TRPM3: variants seen among roughly 807,000 people sequenced by gnomAD.
TRPM3 encodes the protein transient receptor potential cation channel subfamily M member 3.
A neutral mutation model predicts 181.2 loss-of-function variants in TRPM3; 77 were observed. That is an observed-to-expected ratio of 0.42 (90% confidence interval 0.35 to 0.51). The LOEUF is 0.51. Ranked by LOEUF, TRPM3 falls within the 20% of genes least tolerant of loss-of-function variation. The pLI is 0.01. For synonymous variants in TRPM3, 745 were observed against 796.4 expected, an observed-to-expected ratio of 0.94 and a Z score of 1.09; for missense variants, 1,759 against 2,196.7, an observed-to-expected ratio of 0.80 and a Z score of 3.98.
At chr9:70,928,392 G>A (rs574508502) in intron 1 of TRPM3, among the ~76,000 whole-genome samples, 1 of 152,304 alleles carries the variant, frequency 6.6e-6, no homozygotes, top group East Asian at 1.9e-4. Context: ...GGGACAGTCA[G>A]ATTTTATACA....
chr9:71,175,042 G>A (rs1458975054), intron 1 of TRPM3, among the ~76,000 whole-genome samples: 1 of 152,102 alleles, frequency 6.6e-6, no homozygotes, highest in Non-Finnish European at 1.5e-5. Flanking sequence ...ATGACGTGTA[G>A]GAAAAAACAA....
chr9:71,139,779 AC>A (rs1456712111), intron 1 of TRPM3, among the ~76,000 whole-genome samples: 1 of 152,178 alleles, frequency 6.6e-6, no homozygotes, highest in Non-Finnish European at 1.5e-5. Context: ...TTAGTTGGCT[AC>A]CTAACTGACA....
intron 1 of TRPM3, among the ~76,000 whole-genome samples, chr9:71,117,904 A>G (rs1293853957): frequency 6.6e-6 from 1 of 152,190 alleles, no homozygotes; most frequent in Non-Finnish European, 1.5e-5. Flanking sequence ...CAAGACTTCA[A>G]TACACAGAAA....
At chr9:71,003,877 A>G (rs964727256) in intron 1 of TRPM3, among the ~76,000 whole-genome samples, 1 of 152,132 alleles carries the variant, frequency 6.6e-6, no homozygotes, top group African/African-American at 2.4e-5. Context: ...ACAGAAGCTG[A>G]AGCCAGTTAG....
Position 71,310,376 on chromosome 9 carries a change from GTAACCTTA to G in TRPM3, c.183+136269_183+136276del, listed in dbSNP as rs1399672905. ...GGTGATTTAATTACAGTGTGTTATA[GTAACCTTA>G]AAAAATCTAGAGAAAGAAGTGGGTA... On this transcript the variant is annotated intron_variant, in intron 1 of 24. Transcript: ENST00000357533. 3.9e-5 allele frequency among the ~76,000 whole-genome samples: 6 copies of G among 152,170 alleles called. No homozygotes were observed. In the South Asian group the frequency reaches 1.2e-3, roughly 31 times the overall value.
At chr9:71,430,786 G>A (rs56931307) in intron 1 of TRPM3, among the ~76,000 whole-genome samples, 13,951 of 152,070 alleles carry the variant, frequency 0.092, 680 homozygotes, top group South Asian at 0.15. Context: ...ACTCCAACCT[G>A]GGTGAGAGAG....
chr9:70,625,895 C>A lies in TRPM3; in HGVS notation c.1633-378G>T, dbSNP rs2064506620. ...TCTATCCATAATTTTAAAAAATTGA[C>A]ACTTTTTTCATAAAAGAAGAGCAAT... On this transcript the variant is annotated intron_variant, in intron 12 of 25. Transcript: ENST00000677713. The surrounding 1 kb of genome is among the most constrained non-coding windows in gnomAD (Gnocchi z 4.8). 1.3e-5 allele frequency among the ~76,000 whole-genome samples: 2 copies of A among 152,132 alleles called. No homozygotes were observed. The highest frequency in any genetic ancestry group is 4.1e-4 in the South Asian group (2 of 4,836).
intron 22 of TRPM3, among the ~76,000 whole-genome samples, chr9:70,585,891 T>C (rs1238511330): frequency 2.0e-5 from 3 of 152,156 alleles, no homozygotes; most frequent in African/African-American, 7.2e-5. Flanking sequence ...TCCTCCAGGA[T>C]CTGTACCCCG....
At chr9:70,754,269 G>A (rs2076686400) in intron 8 of TRPM3, among the ~76,000 whole-genome samples, 1 of 152,116 alleles carries the variant, frequency 6.6e-6, no homozygotes, top group Non-Finnish European at 1.5e-5. Flanking sequence ...TATTCTTTAT[G>A]ACCAAACCCC....
chr9:71,028,129 A>T (rs1268378510), intron 1 of TRPM3, among the ~76,000 whole-genome samples: 4 of 152,330 alleles, frequency 2.6e-5, no homozygotes, highest in East Asian at 1.9e-4. Flanking sequence ...AGCAAAAACC[A>T]TACAAGCCAG....
intron 1 of TRPM3, among the ~76,000 whole-genome samples, chr9:71,294,806 G>A (rs1588343273): frequency 6.6e-6 from 1 of 152,122 alleles, no homozygotes; most frequent in African/African-American, 2.4e-5. Flanking sequence ...AAGTGAGCAC[G>A]ATTGATTCTG....
chr9:71,316,693 G>A (rs1166224124), intron 1 of TRPM3, among the ~76,000 whole-genome samples: 2 of 152,076 alleles, frequency 1.3e-5, no homozygotes, highest in Admixed American at 6.6e-5. Flanking sequence ...CCTGCAGAAG[G>A]GAACATAGCC....
intron 1 of TRPM3, among the ~76,000 whole-genome samples, chr9:71,247,269 G>A (rs1278291267): frequency 1.4e-5 from 2 of 147,454 alleles, no homozygotes; most frequent in African/African-American, 2.5e-5. Flanking sequence ...CAGGAGAATC[G>A]CTTGAACCTG....
chr9:71,441,780 G>T (rs761598348), intron 1 of TRPM3, among the ~76,000 whole-genome samples: 4 of 151,814 alleles, frequency 2.6e-5, no homozygotes, highest in Non-Finnish European at 5.9e-5. Context: ...CTACAGTCGC[G>T]CACTACCACC....
chr9:71,094,477 CT>C (rs2066769806), intron 1 of TRPM3, among the ~76,000 whole-genome samples: 1 of 152,068 alleles, frequency 6.6e-6, no homozygotes, highest in African/African-American at 2.4e-5. Flanking sequence ...TTCTCTACTT[CT>C]TTTCTATTTC....
At chr9:70,923,324 C>T (rs1281851835) in intron 1 of TRPM3, among the ~76,000 whole-genome samples, 1 of 151,882 alleles carries the variant, frequency 6.6e-6, no homozygotes, top group Non-Finnish European at 1.5e-5. Flanking sequence ...AGGTTTTGTC[C>T]TATTTTGGGA....
chr9:70,567,833 C>T (rs77570200), intron 22 of TRPM3, among the ~76,000 whole-genome samples: 13,149 of 152,208 alleles, frequency 0.086, 800 homozygotes, highest in African/African-American at 0.18. Flanking sequence ...AATGTTCTGT[C>T]TTCCTTTCTC....
chr9:71,013,697 T>G (rs1053413072), intron 1 of TRPM3, among the ~76,000 whole-genome samples: 2 of 152,052 alleles, frequency 1.3e-5, no homozygotes, highest in Non-Finnish European at 2.9e-5. Context: ...GATTTTAAAG[T>G]TTATTTGCAT....
chr9:70,778,991 T>C (rs1029623217), intron 7 of TRPM3, among the ~76,000 whole-genome samples: 3 of 152,134 alleles, frequency 2.0e-5, no homozygotes, highest in Admixed American at 6.6e-5. Flanking sequence ...ACTAGGAATA[T>C]ATAGTTACAT....
Sources: gnomAD v4.1 joint callset for allele counts (sites outside exome capture counted in the v4.1 genomes callset) on GRCh38, gnomAD v4.1.1 for gene constraint, Gnocchi (gnomAD v3.1) non-coding constraint, MANE v1.5 for transcripts, NCBI Gene and HGNC (gene_info 2026-07-23, HGNC 2026-07-21) for gene names.